The following KCNN2 variants were observed in gnomAD, a reference collection of about 807,000 sequenced individuals.
KCNN2 encodes the protein potassium calcium-activated channel subfamily N member 2, also known as small conductance calcium-activated potassium channel protein 2.
In KCNN2, 24 loss-of-function variants were observed where a neutral mutation model predicts 55.5. The ratio of observed to expected loss-of-function variants is 0.43; its 90% confidence interval spans 0.31 to 0.61. KCNN2 has a LOEUF of 0.61. Ranked by LOEUF, KCNN2 falls within the 20% of genes least tolerant of loss-of-function variation. The pLI is 0.08. For missense variants in KCNN2, 754 were observed against 853.6 expected (o/e 0.88, Z 1.45); for synonymous variants, 431 against 336.1 (o/e 1.28, Z -3.09).
intron 3 of KCNN2, among the ~76,000 whole-genome samples, chr5:114,458,597 A>G (rs974428191): frequency 6.6e-6 from 1 of 152,230 alleles, no homozygotes; most frequent in Non-Finnish European, 1.5e-5. Context: ...ACAACAATGA[A>G]TAAGGCATAG....
intron 1 of KCNN2, 95 bp from the exon 2 acceptor site, chr5:114,363,811 A>G: frequency 1.2e-6 from 1 of 814,944 alleles, no homozygotes; most frequent in Non-Finnish European, 2.1e-6. Context: ...CTGTGAGTTC[A>G]GGTCCACCTG....
chr5:114,428,730 A>C (rs1256635863), intron 3 of KCNN2, among the ~76,000 whole-genome samples: 1 of 152,038 alleles, frequency 6.6e-6, no homozygotes, highest in East Asian at 1.9e-4. Context: ...TTTCTTCTCT[A>C]TTCTGCCCCC....
rs1757474289 is a variant in KCNN2, at chr5:114,362,821, A to C, written c.682A>C (p.Asn228His). The change falls in exon 1 of 8, where the codon AAC (asparagine) becomes CAC (histidine). Residue 228 changes from asparagine to histidine, a missense_variant. By Grantham distance (68) the Asn-to-His change is moderately conservative. Transcript: ENST00000673685. ...CGGGGGCGTCATGCGGCCGCTCAGC[A>C]ACTTGAGCGCGTCCCGCCGGAACCT... ...YNGGVMRPLS[N>H]LSASRRNLHE... 3 of 1,598,910 alleles carry C rather than the reference A, an allele frequency of 1.9e-6. No homozygotes were observed. Among genetic ancestry groups the C allele is most frequent in the Non-Finnish European group, 2.5e-6 (3 of 1,178,028 alleles).
chr5:114,234,894 T>A (rs1754442828), intron 2 of KCNN2, among the ~76,000 whole-genome samples: 1 of 152,188 alleles, frequency 6.6e-6, no homozygotes, highest in Non-Finnish European at 1.5e-5. Context: ...AAGTTCAGTA[T>A]GTGTTATGAG....
chr5:114,067,316 A>G (rs1311231507), intron 1 of KCNN2, among the ~76,000 whole-genome samples: 1 of 152,194 alleles, frequency 6.6e-6, no homozygotes, highest in African/African-American at 2.4e-5. Context: ...TCACCTGGCA[A>G]CCTGATAAAA....
rs987192757 is a variant in KCNN2 at position 114,237,320 on chromosome 5, A to G, written c.-185+15755A>G. Among the ~76,000 whole-genome samples the G allele has an allele frequency of 8.8e-5, 5 of 56,524 alleles. No homozygotes were observed. In the Admixed American group the frequency reaches 9.2e-4, roughly 10 times the overall value. 37.1% of individuals were successfully genotyped at this position (56,524 alleles called of 152,430 possible). A position where few individuals can be genotyped will look rare whatever the true frequency, so the allele number is the denominator to read the frequency against. On this transcript the variant is annotated intron_variant, in intron 2 of 10. Coordinates refer to the KCNN2 transcript ENST00000512097. The stretch of plus-strand genomic sequence containing the variant: ...CACACACACTCACACACCCCACAGA[A>G]AAAAAAAATGCCCTGGTTTTGCTTT...
Position 114,362,214 on chromosome 5 carries a change from G to C in KCNN2, c.75G>C (p.Leu25=), listed in dbSNP as rs370841646. Residue 25 remains leucine, a synonymous_variant, in exon 1 of 8, where the codon CTG becomes CTC. Transcript: ENST00000673685. Reference sequence around the variant, plus strand: ...CGCCGCCGCCGCGCTCCTCACACCTGCATTGCCAGCAGCAGCAACAGAGCC... The same window carrying C: ...CGCCGCCGCCGCGCTCCTCACACCTCCATTGCCAGCAGCAGCAACAGAGCC... The part of the protein sequence containing the change: ...QPPPPPRSSH[L]HCQQQQQSQD... 8.3e-5 allele frequency: 14 copies of C among 167,848 alleles called. No homozygotes were observed. The highest frequency in any genetic ancestry group is 7.5e-4 in the East Asian group (4 of 5,352). The allele number at this position is 167,848 out of a possible 1,614,324, so 10.4% of individuals were successfully genotyped here. A position where few individuals can be genotyped will look rare whatever the true frequency, so the allele number is the denominator to read the frequency against.
At chr5:114,121,725 C>G (rs984277524) in intron 1 of KCNN2, among the ~76,000 whole-genome samples, 1 of 152,218 alleles carries the variant, frequency 6.6e-6, no homozygotes, top group Non-Finnish European at 1.5e-5. Flanking sequence ...CTGATATCCT[C>G]TCTTGCCTCT....
At chr5:114,135,861 GA>G (rs1752163914) in intron 1 of KCNN2, among the ~76,000 whole-genome samples, 1 of 152,126 alleles carries the variant, frequency 6.6e-6, no homozygotes, top group Non-Finnish European at 1.5e-5. Context: ...AATATTCAGA[GA>G]AAAGCTCTTG....
intron 3 of KCNN2, among the ~76,000 whole-genome samples, chr5:114,420,144 C>G (rs773759192): frequency 1.3e-5 from 2 of 152,240 alleles, no homozygotes; most frequent in African/African-American, 4.8e-5. Context: ...ATTAAGAAAT[C>G]TAATCTGAAA....
At chr5:114,337,438 A>T (rs1272716543) in intron 2 of KCNN2, among the ~76,000 whole-genome samples, 1 of 152,194 alleles carries the variant, frequency 6.6e-6, no homozygotes, top group Non-Finnish European at 1.5e-5. Context: ...ACTTGCAGTT[A>T]TTTACAGTAC....
At chr5:114,306,864 C>A (rs953572679) in intron 2 of KCNN2, among the ~76,000 whole-genome samples, 1 of 151,914 alleles carries the variant, frequency 6.6e-6, no homozygotes. Flanking sequence ...TCATTCCCAG[C>A]TAAGTTTTTG....
At chr5:114,437,999 A>T (rs919600317) in intron 3 of KCNN2, among the ~76,000 whole-genome samples, 1 of 149,446 alleles carries the variant, frequency 6.7e-6, no homozygotes, top group African/African-American at 2.5e-5. Flanking sequence ...TGACCAGTTA[A>T]AACACAAAGC....
chr5:114,255,212 A>G lies in KCNN2; in HGVS notation c.-185+33647A>G, dbSNP rs375624668. On this transcript the variant is annotated intron_variant, in intron 2 of 10. Coordinates refer to the KCNN2 transcript ENST00000512097. ...TCCCTCAAGGAGTTTATCACCCGAG[A>G]CAGAGAGACATATGTGAACAAAATC... 2.0e-5 allele frequency among the ~76,000 whole-genome samples: 3 copies of G among 152,218 alleles called. No homozygotes were observed. The South Asian group carries it at 6.2e-4, about 32-fold the overall frequency.
intron 2 of KCNN2, among the ~76,000 whole-genome samples, chr5:114,306,835 G>A (rs1477403928): frequency 6.6e-6 from 1 of 151,838 alleles, no homozygotes; most frequent in African/African-American, 2.4e-5. Context: ...TGAGAAGCTG[G>A]AACTACAGGC....
rs913397759 is a variant in KCNN2, at chr5:114,271,714, G to A, written c.-185+50149G>A. On this transcript the variant is annotated intron_variant, in intron 2 of 10. Coordinates refer to the KCNN2 transcript ENST00000512097. ...CCCCTACTCTGTATGGACTACTTTT[G>A]TAGTGTTTATATGGTATATAACATT... 3.9e-5 allele frequency among the ~76,000 whole-genome samples: 6 copies of A among 152,042 alleles called. No homozygotes were observed. The East Asian group carries it at 7.7e-4, about 20-fold the overall frequency.
chr5:114,093,566 A>G (rs1279805610), intron 1 of KCNN2, among the ~76,000 whole-genome samples: 2 of 152,218 alleles, frequency 1.3e-5, no homozygotes, highest in Non-Finnish European at 2.9e-5. Flanking sequence ...GGTAATTTAT[A>G]AAAGAAAGAG....
upstream of KCNN2, among the ~76,000 whole-genome samples, chr5:114,361,692 G>T (rs1757425542): frequency 6.6e-6 from 1 of 152,168 alleles, no homozygotes; most frequent in Non-Finnish European, 1.5e-5. Context: ...TGGCGCAGGT[G>T]ATCCGGGCAG....
intron 2 of KCNN2, among the ~76,000 whole-genome samples, chr5:114,226,411 T>C (rs569061176): frequency 6.6e-6 from 1 of 152,338 alleles, no homozygotes; most frequent in South Asian, 2.1e-4. Flanking sequence ...TTCTATCATA[T>C]TATGCATATG....
Sources: gnomAD v4.1 joint callset for allele counts (sites outside exome capture counted in the v4.1 genomes callset) on GRCh38, gnomAD v4.1.1 for gene constraint, MANE v1.5 for transcripts, NCBI Gene and HGNC (gene_info 2026-07-23, HGNC 2026-07-21) for gene names.